The following MLLT10 variants were observed in gnomAD, a reference collection of about 807,000 sequenced individuals.
MLLT10 encodes the protein protein AF-10.
MLLT10 carries 30 observed loss-of-function variants against 129.1 expected under a neutral mutation model. That is an observed-to-expected ratio of 0.23 (90% CI 0.17 to 0.32). The LOEUF (loss-of-function observed/expected upper bound fraction) is 0.32. Ranked by LOEUF, MLLT10 falls within the 10% of genes least tolerant of loss-of-function variation. The pLI, the probability that MLLT10 is intolerant of heterozygous loss-of-function variation, is 1.00. For synonymous variants in MLLT10, 490 were observed against 446.4 expected, an observed-to-expected ratio of 1.10 and a Z score of -1.23; for missense variants, 1,119 against 1,268.3, an observed-to-expected ratio of 0.88 and a Z score of 1.79.
At chr10:21,695,541 G>A (rs528566974) in intron 13 of MLLT10, among the ~76,000 whole-genome samples, 80 of 152,178 alleles carry the variant, frequency 5.3e-4, no homozygotes, top group African/African-American at 1.9e-3. Context: ...TTTAAAAAAT[G>A]CATCCTCTTA....
intron 5 of MLLT10, among the ~76,000 whole-genome samples, chr10:21,606,690 A>G (rs962113721): frequency 6.6e-6 from 1 of 152,234 alleles, no homozygotes; most frequent in Non-Finnish European, 1.5e-5. Flanking sequence ...CTGCAATCTC[A>G]TGGTCAAACT....
chr10:21,673,344 C>T lies in MLLT10; in HGVS notation c.1052-6C>T. ...TTTTTTTTTTTTTTTTTTTTTTAAACTACAGGCAGTTTTTCAGGAACTCCA... is the reference window on the plus strand; with the variant it reads ...TTTTTTTTTTTTTTTTTTTTTTAAATTACAGGCAGTTTTTCAGGAACTCCA... On this transcript the variant is annotated splice_polypyrimidine_tract_variant and splice_region_variant and intron_variant, in intron 10 of 22. Coordinates refer to ENST00000307729, the MANE Select transcript of MLLT10 (RefSeq NM_001195626.3). 1 of 403,214 alleles carries T rather than the reference C, an allele frequency of 2.5e-6. No individual in the cohort carries two copies. The highest frequency in any genetic ancestry group is 3.5e-6 in the Non-Finnish European group (1 of 285,516). The allele number at this position is 403,214 out of a possible 1,614,324, so 25.0% of individuals were successfully genotyped here.
intron 5 of MLLT10, among the ~76,000 whole-genome samples, chr10:21,598,551 T>C (rs1246408438): frequency 2.0e-5 from 3 of 152,190 alleles, no homozygotes; most frequent in Admixed American, 2.0e-4. Flanking sequence ...CGGAGATACA[T>C]ATTTCTATAA....
At chr10:21,694,882 G>A (rs1484947184) in intron 13 of MLLT10, among the ~76,000 whole-genome samples, 7 of 152,098 alleles carry the variant, frequency 4.6e-5, no homozygotes, top group African/African-American at 7.2e-5. Context: ...CTTACCAGGA[G>A]GCTTCCAAAG....
At chr10:21,706,106 T>G (rs1055685864) in intron 13 of MLLT10, among the ~76,000 whole-genome samples, 3 of 152,210 alleles carry the variant, frequency 2.0e-5, no homozygotes, top group African/African-American at 7.2e-5. Flanking sequence ...TCTTGGACGA[T>G]CTATACAAAT....
chr10:21,536,373 T>G (rs2034003578), intron 2 of MLLT10, among the ~76,000 whole-genome samples: 2 of 152,224 alleles, frequency 1.3e-5, no homozygotes, highest in Non-Finnish European at 2.9e-5. Context: ...GAATTTCTTA[T>G]GAATTGGAAT....
intron 8 of MLLT10, among the ~76,000 whole-genome samples, chr10:21,619,004 G>C (rs1210595374): frequency 2.7e-5 from 4 of 150,120 alleles, no homozygotes; most frequent in Non-Finnish European, 1.5e-5. Flanking sequence ...GTGATTACAG[G>C]CGTGAGCCAC....
At position 21,670,840 on chromosome 10, in the gene MLLT10, A is replaced by G. The variant is rs1174703162; in HGVS notation, c.1051+136A>G. 4 of 989,438 alleles carry G rather than the reference A, an allele frequency of 4.0e-6. No homozygotes were observed. In the African/African-American group the frequency reaches 6.6e-5, roughly 16 times the overall value. The allele number at this position is 989,438 out of a possible 1,614,324, so 61.3% of individuals were successfully genotyped here. A position where few individuals can be genotyped will look rare whatever the true frequency, so the allele number is the denominator to read the frequency against. Reference sequence around the variant, plus strand: ...TTATTATATGATTAGTTGCTTTAGTAAGATTACTTTAAAGATAGTGTTTCC... The same window carrying G: ...TTATTATATGATTAGTTGCTTTAGTGAGATTACTTTAAAGATAGTGTTTCC... On this transcript the variant is annotated intron_variant, in intron 10 of 22. Coordinates refer to ENST00000307729, the MANE Select transcript of MLLT10 (RefSeq NM_001195626.3).
chr10:21,707,637 G>A (rs180818972), intron 13 of MLLT10, among the ~76,000 whole-genome samples: 274 of 152,222 alleles, frequency 1.8e-3, no homozygotes, highest in African/African-American at 6.3e-3. Context: ...ACTCATCCCC[G>A]TCAGTCCCTT....
chr10:21,542,411 A>T (rs940876157), intron 3 of MLLT10, among the ~76,000 whole-genome samples: 12 of 152,322 alleles, frequency 7.9e-5, no homozygotes, highest in East Asian at 7.7e-4. Context: ...TCTTCTAAAA[A>T]TACAAAAAAT....
Position 21,612,467 on chromosome 10 carries a change from T to C in MLLT10, c.509+16T>C, listed in dbSNP as rs370557858. The stretch of plus-strand genomic sequence containing the variant: ...ATGTAACATGGTAAGGATGTTTCCA[T>C]TGTTGCACAGAACTGAACTTGGTAA... On this transcript the variant is annotated intron_variant, in intron 6 of 22. Transcript: ENST00000307729. 4 of 1,543,830 alleles carry C rather than the reference T, an allele frequency of 2.6e-6. No individual in the cohort carries two copies. In the African/African-American group the frequency reaches 5.5e-5, roughly 21 times the overall value.
chr10:21,632,702 T>C (rs1408185454), intron 8 of MLLT10, among the ~76,000 whole-genome samples: 2 of 152,202 alleles, frequency 1.3e-5, no homozygotes, highest in Non-Finnish European at 2.9e-5. Flanking sequence ...ACTTTTCTGC[T>C]CCTTTCTATG....
rs1564624972 is a variant in MLLT10, at chr10:21,673,745, G to A, written c.1447G>A (p.Gly483Arg). ...TAAGCATGGGCCTGGCAGACCCAAA[G>A]GAAACAAAAATCAAGAGAATGTTTC... ...QSKHGPGRPK[G>R]NKNQENVSHL... Residue 483 changes from glycine (G) to arginine (R), a missense_variant, in exon 11 of 23, where the codon GGA (glycine) becomes AGA (arginine). Gly to Arg is a moderately radical substitution (Grantham distance 125, BLOSUM62 -2). Transcript: ENST00000307729. 8.7e-6 allele frequency: 14 copies of A among 1,614,040 alleles called. No individual in the cohort carries two copies. The highest frequency in any genetic ancestry group is 1.1e-5 in the Non-Finnish European group (13 of 1,179,998).
intron 3 of MLLT10, among the ~76,000 whole-genome samples, chr10:21,563,919 TCTC>T (rs1451937912): frequency 1.3e-5 from 2 of 151,776 alleles, no homozygotes; most frequent in Non-Finnish European, 2.9e-5. Flanking sequence ...TTCACACCAT[TCTC>T]CTGCCTCAGC....
chr10:21,736,752 A>T (rs1198425807), intron 21 of MLLT10, among the ~76,000 whole-genome samples: 1 of 152,208 alleles, frequency 6.6e-6, no homozygotes. Flanking sequence ...ATCTCTTTAG[A>T]TGTACAAGTC....
chr10:21,597,523 C>G (rs772282607), intron 5 of MLLT10, among the ~76,000 whole-genome samples: 6 of 152,188 alleles, frequency 3.9e-5, no homozygotes, highest in South Asian at 4.1e-4. Context: ...GTGTACACCA[C>G]CACATCCAGC....
rs182012636 is a variant in MLLT10 at position 21,611,871 on chromosome 10, C to G, written c.406-477C>G. On this transcript the variant is annotated intron_variant, in intron 5 of 22. Transcript: ENST00000307729. Reference sequence around the variant, plus strand: ...CTCACAGACAGTGGAAATGAATGACCTAAACGTTGCTAATTCGTGTAGGGC... The same window carrying G: ...CTCACAGACAGTGGAAATGAATGACGTAAACGTTGCTAATTCGTGTAGGGC... Among the ~76,000 whole-genome samples, 116 of 152,300 alleles carry G rather than the reference C, an allele frequency of 7.6e-4. 1 individual carries two copies. The highest frequency in any genetic ancestry group is 2.6e-3 in the African/African-American group (110 of 41,564).
chr10:21,554,324 A>G (rs1261397559), intron 3 of MLLT10, among the ~76,000 whole-genome samples: 1 of 152,142 alleles, frequency 6.6e-6, no homozygotes, highest in Non-Finnish European at 1.5e-5. Flanking sequence ...CTCTTCACTT[A>G]AAAATTTTTT....
intron 14 of MLLT10, among the ~76,000 whole-genome samples, chr10:21,718,361 T>G (rs745695383): frequency 6.6e-6 from 1 of 152,156 alleles, no homozygotes; most frequent in Non-Finnish European, 1.5e-5. Context: ...ATAAATTAGT[T>G]TCTGTAGGAG....
Sources: gnomAD v4.1 joint callset for allele counts (sites outside exome capture counted in the v4.1 genomes callset) on GRCh38, gnomAD v4.1.1 for gene constraint, MANE v1.5 for transcripts, NCBI Gene and HGNC (gene_info 2026-07-23, HGNC 2026-07-21) for gene names.